EPHA7: variants seen among roughly 807,000 people sequenced by gnomAD.
EPHA7 encodes the protein EPH receptor A7, also known as ephrin type-A receptor 7.
In EPHA7, 25 loss-of-function variants were observed where a neutral mutation model predicts 112.6. The observed-to-expected ratio is 0.22, with a 90% confidence interval of 0.16 to 0.31. The LOEUF is 0.31. Among genes scored for constraint, EPHA7 ranks in the 10% least tolerant of loss-of-function variants. The pLI, the probability that EPHA7 is intolerant of heterozygous loss-of-function variation, is 1.00. For synonymous variants in EPHA7, 437 were observed against 406.5 expected (o/e 1.07, Z -0.90); for missense variants, 962 against 1,212.6 (o/e 0.79, Z 3.07).
chr6:93,405,807 G>GTATATA (rs1301765912), intron 3 of EPHA7, among the ~76,000 whole-genome samples: 2 of 70,512 alleles, frequency 2.8e-5, no homozygotes, highest in East Asian at 6.1e-4. Flanking sequence ...GTGTGTGTGT[G>GTATATA]TGTGTGTATA....
intron 13 of EPHA7, 98 bp downstream of exon 13, chr6:93,255,730 C>T (rs1303657931): frequency 7.4e-6 from 8 of 1,088,078 alleles, no homozygotes; most frequent in South Asian, 6.0e-5. Flanking sequence ...GCTCAATTTG[C>T]TTCATTTCTC....
intron 5 of EPHA7, 23 bp from the exon 6 acceptor site, chr6:93,272,445 T>C: frequency 6.2e-7 from 1 of 1,610,436 alleles, no homozygotes; most frequent in Middle Eastern, 1.7e-4. Context: ...GATGTGTCAA[T>C]AAACAATGAG....
At chr6:93,272,243 A>T in intron 6 of EPHA7, 55 bp downstream of exon 6, 2 of 1,601,074 alleles carry the variant, frequency 1.2e-6, no homozygotes, top group Admixed American at 3.4e-5. Flanking sequence ...ACAATACAGT[A>T]GGATGACATG....
At chr6:93,337,107 C>T (rs1774916091) in intron 5 of EPHA7, among the ~76,000 whole-genome samples, 1 of 152,106 alleles carries the variant, frequency 6.6e-6, no homozygotes, top group East Asian at 1.9e-4. Context: ...CCTTAAACAA[C>T]AGAAGAGAAT....
intron 14 of EPHA7, among the ~76,000 whole-genome samples, chr6:93,248,330 T>C (rs1770050445): frequency 6.6e-6 from 1 of 152,086 alleles, no homozygotes; most frequent in South Asian, 2.1e-4. Flanking sequence ...GAAAAAAAAT[T>C]CTTTTGTATA....
At chr6:93,323,649 T>A (rs1774181289) in intron 5 of EPHA7, among the ~76,000 whole-genome samples, 1 of 151,486 alleles carries the variant, frequency 6.6e-6, no homozygotes, top group Admixed American at 6.6e-5. Context: ...AAATTCCATC[T>A]GGATTAAAAT....
At chr6:93,400,008 C>T (rs1778361871) in intron 3 of EPHA7, among the ~76,000 whole-genome samples, 1 of 151,898 alleles carries the variant, frequency 6.6e-6, no homozygotes. Context: ...CAAGAATGCC[C>T]AAAGAACTTT....
chr6:93,379,031 T>C (rs1337856789), intron 3 of EPHA7, among the ~76,000 whole-genome samples: 1 of 152,108 alleles, frequency 6.6e-6, no homozygotes, highest in Non-Finnish European at 1.5e-5. Flanking sequence ...ATATTGAATA[T>C]GGCTGAAATG....
rs1421309375 is a variant in EPHA7, at chr6:93,241,607, T to C, written c.*1819A>G. On this transcript the variant is annotated 3_prime_UTR_variant, in exon 17 of 17. Coordinates refer to ENST00000369303, the MANE Select transcript of EPHA7 (RefSeq NM_004440.4). ...AATAAATTAAAATATCAAATAACAC[T>C]GTACAGTGATTTAAAACCAAAAAAA... The C allele has an allele frequency of 9.1e-6, 2 of 219,436 alleles. No individual in the cohort carries two copies. The highest frequency in any genetic ancestry group is 1.8e-4 in the South Asian group (1 of 5,416). 13.6% of individuals were successfully genotyped at this position (219,436 alleles called of 1,614,324 possible).
chr6:93,275,827 A>G (rs1417205085), intron 5 of EPHA7, among the ~76,000 whole-genome samples: 1 of 152,016 alleles, frequency 6.6e-6, no homozygotes, highest in Admixed American at 6.6e-5. Context: ...ACCAATCAGC[A>G]TTTTTACAGA....
At chr6:93,365,383 T>A (rs758593157) in intron 3 of EPHA7, among the ~76,000 whole-genome samples, 1 of 152,212 alleles carries the variant, frequency 6.6e-6, no homozygotes, top group African/African-American at 2.4e-5. Flanking sequence ...ATATTCATCT[T>A]AATTCAGGCA....
intron 5 of EPHA7, among the ~76,000 whole-genome samples, chr6:93,340,348 T>C (rs184054857): frequency 6.6e-6 from 1 of 151,852 alleles, no homozygotes; most frequent in South Asian, 2.1e-4. Context: ...CATGAATGTA[T>C]CTAATGAAAA....
rs548152197 is a variant in EPHA7, at chr6:93,417,314, G to A, written c.97+1931C>T. 6.6e-5 allele frequency among the ~76,000 whole-genome samples: 10 copies of A among 152,254 alleles called. No individual in the cohort carries two copies. In the South Asian group the frequency reaches 1.9e-3, roughly 28 times the overall value. On this transcript the variant is annotated intron_variant, in intron 1 of 16. Coordinates refer to ENST00000369303, the MANE Select transcript of EPHA7 (RefSeq NM_004440.4). The stretch of plus-strand genomic sequence containing the variant: ...CTTGGGTACTGCGGGCCGCCTCGGG[G>A]CTTGTGAACTCCTAGAACGCCAGCT...
intron 3 of EPHA7, among the ~76,000 whole-genome samples, chr6:93,403,257 T>C (rs912840838): frequency 1.3e-5 from 2 of 152,048 alleles, no homozygotes; most frequent in Non-Finnish European, 2.9e-5. Context: ...ATCTTTGCTT[T>C]GCCAGTGGAT....
chr6:93,259,785 G>A (rs1770603749), intron 9 of EPHA7, among the ~76,000 whole-genome samples: 1 of 151,926 alleles, frequency 6.6e-6, no homozygotes, highest in Admixed American at 6.6e-5. Context: ...TAAATTCACT[G>A]CTATCATGGC....
intron 5 of EPHA7, among the ~76,000 whole-genome samples, chr6:93,283,469 T>C (rs1250934620): frequency 6.6e-6 from 1 of 152,110 alleles, no homozygotes; most frequent in Non-Finnish European, 1.5e-5. Flanking sequence ...TTGCTGCTGC[T>C]CACTCTTTTG....
chr6:93,245,894 C>G (rs1301342330), intron 15 of EPHA7, among the ~76,000 whole-genome samples: 1 of 152,094 alleles, frequency 6.6e-6, no homozygotes, highest in South Asian at 2.1e-4. Context: ...TCCACAGGTG[C>G]CTAACTTACT....
chr6:93,376,847 A>T (rs2127966254), intron 3 of EPHA7, among the ~76,000 whole-genome samples: 2 of 152,244 alleles, frequency 1.3e-5, no homozygotes, highest in East Asian at 3.9e-4. Flanking sequence ...TTAAGTTCTC[A>T]TCACCTACTC....
At chr6:93,246,074 C>T (rs138937199) in intron 15 of EPHA7, among the ~76,000 whole-genome samples, 104 of 150,620 alleles carry the variant, frequency 6.9e-4, no homozygotes, top group African/African-American at 2.2e-3. Flanking sequence ...TTTTTGGAGA[C>T]GGAGTCTCGC....
Sources: gnomAD v4.1 joint callset for allele counts (sites outside exome capture counted in the v4.1 genomes callset) on GRCh38, gnomAD v4.1.1 for gene constraint, MANE v1.5 for transcripts, NCBI Gene and HGNC (gene_info 2026-07-23, HGNC 2026-07-21) for gene names.